Variants in CLVS1 observed in about 807,000 individuals in gnomAD.
The protein encoded by CLVS1 is clavesin 1, also known as clavesin-1.
Under a neutral mutation model 33.1 loss-of-function variants are expected in CLVS1, and 10 were observed. That is an observed-to-expected ratio of 0.30 (90% CI 0.19 to 0.51). The LOEUF is 0.51. Ranked by LOEUF, CLVS1 falls within the 20% of genes least tolerant of loss-of-function variation. CLVS1 has a pLI of 0.97. For synonymous variants in CLVS1, 163 were observed against 166.1 expected (o/e 0.98, Z 0.14); for missense variants, 343 against 433.4 (o/e 0.79, Z 1.85).
At chr8:61,365,711 C>T (rs959145591) in intron 2 of CLVS1, among the ~76,000 whole-genome samples, 1 of 151,810 alleles carries the variant, frequency 6.6e-6, no homozygotes, top group African/African-American at 2.4e-5. Flanking sequence ...AGAATCATCT[C>T]CGAAGTCATA....
intron 2 of CLVS1, among the ~76,000 whole-genome samples, chr8:61,223,214 G>A (rs6986117): frequency 0.07 from 10,582 of 152,108 alleles, 491 homozygotes; most frequent in East Asian, 0.15. Context: ...ATTTGATCCT[G>A]TCATCAAGAT....
chr8:61,045,999 C>A, the CLVS1 span, among the ~76,000 whole-genome samples: 1 of 151,972 alleles, frequency 6.6e-6, no homozygotes, highest in Non-Finnish European at 1.5e-5. Flanking sequence ...TTAATTAGAT[C>A]CCATTTGTTA....
the CLVS1 span, chr8:60,964,908 A>T: frequency 6.6e-6 from 1 of 152,084 alleles, no homozygotes; most frequent in African/African-American, 2.4e-5. Flanking sequence ...ATGGATAGAG[A>T]AATTGAGGCA....
the CLVS1 span, chr8:60,965,155 C>T: frequency 6.6e-6 from 1 of 152,206 alleles, no homozygotes; most frequent in Non-Finnish European, 1.5e-5. Context: ...GGGCTATAAA[C>T]AGCAGCTGCT....
chr8:61,036,793 G>A, the CLVS1 span, among the ~76,000 whole-genome samples: 4 of 152,218 alleles, frequency 2.6e-5, no homozygotes, highest in African/African-American at 9.7e-5. Context: ...ATTATGATAT[G>A]ACTTTTTAAT....
chr8:61,028,268 C>T, the CLVS1 span, among the ~76,000 whole-genome samples: 2 of 152,108 alleles, frequency 1.3e-5, no homozygotes, highest in South Asian at 2.1e-4. Context: ...TAAATAATAA[C>T]GATTATAATA....
At chr8:61,078,730 C>T (rs1221306726) in intron 1 of CLVS1, among the ~76,000 whole-genome samples, 3 of 152,180 alleles carry the variant, frequency 2.0e-5, no homozygotes, top group Non-Finnish European at 4.4e-5. Context: ...AGGCTTTCTT[C>T]TGTATCTTGA....
the CLVS1 span, among the ~76,000 whole-genome samples, chr8:60,968,475 C>G: frequency 6.7e-6 from 1 of 149,070 alleles, no homozygotes; most frequent in Non-Finnish European, 1.5e-5. Context: ...GACATTGCCC[C>G]ACTGCACTCC....
chr8:61,165,843 T>G (rs1806851608), intron 2 of CLVS1, among the ~76,000 whole-genome samples: 1 of 152,202 alleles, frequency 6.6e-6, no homozygotes, highest in African/African-American at 2.4e-5. Context: ...GTTTGACTCT[T>G]TTTGTTGACA....
At chr8:61,082,535 A>C (rs1441363887) in intron 1 of CLVS1, among the ~76,000 whole-genome samples, 1 of 152,228 alleles carries the variant, frequency 6.6e-6, no homozygotes, top group Non-Finnish European at 1.5e-5. Flanking sequence ...GCCTTGGTAG[A>C]TAATATTTAA....
intron 3 of CLVS1, among the ~76,000 whole-genome samples, chr8:61,381,942 T>C (rs139126980): frequency 3.3e-4 from 51 of 152,330 alleles, no homozygotes; most frequent in African/African-American, 9.1e-4. Flanking sequence ...TATATTCTTT[T>C]GGGTATTTAC....
intron 5 of CLVS1, among the ~76,000 whole-genome samples, chr8:61,496,492 A>G (rs1407834101): frequency 1.3e-5 from 2 of 152,134 alleles, no homozygotes; most frequent in Admixed American, 6.6e-5. Context: ...CTGGGCCTTA[A>G]ACTAAAACAA....
chr8:61,203,746 G>A (rs2978517), intron 2 of CLVS1, among the ~76,000 whole-genome samples: 53,381 of 151,990 alleles, frequency 0.35, 11,765 homozygotes, highest in Middle Eastern at 0.58. Context: ...TTATCTTACA[G>A]CTTCTCTTGC....
rs921990074 is a variant in CLVS1 at position 61,078,043 on chromosome 8, G to C, written c.-243+20813G>C. ...AAGTAGTACTGGGGCGGAGGAAGCC[G>C]AGGGGAGCGCTGATCTGAAGTTTTA... is the stretch of plus-strand genomic sequence containing the variant. On this transcript the variant is annotated intron_variant, in intron 1 of 2. Transcript: ENST00000522621. Among the ~76,000 whole-genome samples, 7 of 152,324 alleles carry C rather than the reference G, an allele frequency of 4.6e-5. No homozygotes were observed. The South Asian group carries it at 8.3e-4, about 18-fold the overall frequency.
chr8:61,280,449 T>C (rs981775246), intron 2 of CLVS1, among the ~76,000 whole-genome samples: 15 of 152,188 alleles, frequency 9.9e-5, no homozygotes, highest in Admixed American at 1.3e-4. Flanking sequence ...CATTGTATAA[T>C]AGAATAGTGG....
Position 61,273,666 on chromosome 8 carries a change from G to C in CLVS1, c.-151-26011G>C, listed in dbSNP as rs188130358. Among the ~76,000 whole-genome samples the C allele has an allele frequency of 3.8e-3, 572 of 152,310 alleles. 6 individuals carry two copies. Among genetic ancestry groups the C allele is most frequent in the African/African-American group, 0.013 (528 of 41,568 alleles). On this transcript the variant is annotated intron_variant, in intron 2 of 2. Coordinates refer to the CLVS1 transcript ENST00000522621. ...AGACTCCGTGGGCGTAGGACCCTCCGAGCCAGGTGTGGGATATAATCTCGT... is the reference window on the plus strand; with the variant it reads ...AGACTCCGTGGGCGTAGGACCCTCCCAGCCAGGTGTGGGATATAATCTCGT...
chr8:61,067,129 C>T (rs184416709), intron 1 of CLVS1, among the ~76,000 whole-genome samples: 5 of 152,320 alleles, frequency 3.3e-5, no homozygotes, highest in Middle Eastern at 3.4e-3. Flanking sequence ...ATTTCTCCTA[C>T]ACCCTGACCT....
intron 2 of CLVS1, among the ~76,000 whole-genome samples, chr8:61,319,936 T>C (rs948685866): frequency 3.9e-5 from 6 of 152,158 alleles, no homozygotes; most frequent in Non-Finnish European, 7.4e-5. Flanking sequence ...TGCCTTTAAT[T>C]ATTTTTGCAT....
chr8:61,332,429 G>A (rs1811633317), intron 2 of CLVS1, among the ~76,000 whole-genome samples: 2 of 152,150 alleles, frequency 1.3e-5, no homozygotes, highest in South Asian at 4.2e-4. Flanking sequence ...GGAGTTTGTG[G>A]TGCAAATTGA....
Sources: gnomAD v4.1 joint callset for allele counts (sites outside exome capture counted in the v4.1 genomes callset) on GRCh38, gnomAD v4.1.1 for gene constraint, MANE v1.5 for transcripts, NCBI Gene and HGNC (gene_info 2026-07-23, HGNC 2026-07-21) for gene names.